PTPRT: variants seen among roughly 807,000 people sequenced by gnomAD.
The protein encoded by PTPRT is receptor-type tyrosine-protein phosphatase T.
PTPRT carries 56 observed loss-of-function variants against 176.8 expected under a neutral mutation model. The ratio of observed to expected loss-of-function variants is 0.32; its 90% CI spans 0.26 to 0.40. The LOEUF is 0.40. Among genes scored for constraint, PTPRT ranks in the 10% least tolerant of loss-of-function variants. The probability of loss-of-function intolerance (pLI) is 1.00; values close to 1 mark genes in which losing one functional copy is unlikely to be tolerated. For synonymous variants in PTPRT, 783 were observed against 739.0 expected (o/e 1.06, Z -0.96); for missense variants, 1,540 against 1,908.2 (o/e 0.81, Z 3.60).
chr20:42,356,274 C>G (rs2058356896), intron 9 of PTPRT, among the ~76,000 whole-genome samples: 1 of 152,144 alleles, frequency 6.6e-6, no homozygotes, highest in Admixed American at 6.5e-5. Flanking sequence ...GAAGGGTACA[C>G]AGCTGCACAT....
chr20:42,643,655 T>G (rs528737851), intron 7 of PTPRT, among the ~76,000 whole-genome samples: 1 of 152,118 alleles, frequency 6.6e-6, no homozygotes, highest in South Asian at 2.1e-4. Context: ...GTGCAAAAAT[T>G]TAAATACCTT....
chr20:42,933,478 C>T (rs1376819479), intron 1 of PTPRT, among the ~76,000 whole-genome samples: 3 of 152,158 alleles, frequency 2.0e-5, no homozygotes, highest in African/African-American at 4.8e-5. Context: ...TTTCCAGTCC[C>T]GAGCATGGTG....
intron 1 of PTPRT, among the ~76,000 whole-genome samples, chr20:42,891,060 A>G (rs11907352): frequency 0.059 from 9,026 of 152,240 alleles, 725 homozygotes; most frequent in African/African-American, 0.18. Context: ...CTGTGAATCC[A>G]CTAAACCTGT....
intron 7 of PTPRT, among the ~76,000 whole-genome samples, chr20:42,582,164 T>A (rs1204478579): frequency 2.0e-5 from 3 of 152,152 alleles, no homozygotes; most frequent in Non-Finnish European, 2.9e-5. Context: ...TCTGGTCTGT[T>A]CTGTGGAGAG....
At chr20:42,413,360 T>C (rs1471558604) in intron 9 of PTPRT, among the ~76,000 whole-genome samples, 1 of 152,126 alleles carries the variant, frequency 6.6e-6, no homozygotes, top group East Asian at 1.9e-4. Flanking sequence ...TTTCATTCCT[T>C]TAAGAAAAAA....
chr20:42,807,932 C>T (rs2077636252), intron 2 of PTPRT, among the ~76,000 whole-genome samples: 1 of 152,226 alleles, frequency 6.6e-6, no homozygotes, highest in Non-Finnish European at 1.5e-5. Context: ...CCAGGTCTCT[C>T]TTTAAAGAAA....
At chr20:42,481,762 A>C (rs1188436098) in intron 7 of PTPRT, among the ~76,000 whole-genome samples, 1 of 145,890 alleles carries the variant, frequency 6.9e-6, no homozygotes, top group Non-Finnish European at 1.5e-5. Context: ...AAAAGAAAAA[A>C]ACCATACACA....
Position 42,472,474 on chromosome 20 carries a change from C to T in PTPRT, c.1242G>A (p.Val414=). 1 of 1,614,250 alleles carries T rather than the reference C, an allele frequency of 6.2e-7. No homozygotes were observed. Among genetic ancestry groups the T allele is most frequent in the East Asian group, 2.2e-5 (1 of 44,880 alleles). The change falls in exon 8 of 31, where the codon GTG becomes GTA. Residue 414 remains valine, a synonymous_variant. Coordinates refer to ENST00000373187, the MANE Select transcript of PTPRT (RefSeq NM_007050.6). Reference sequence around the variant, plus strand: ...TGAGGTTGTAGCTATGGCAGCGGGTCACCGCGTAGCCGAAGGGCTCCCACT... The same window carrying T: ...TGAGGTTGTAGCTATGGCAGCGGGTTACCGCGTAGCCGAAGGGCTCCCACT... The part of the protein sequence containing the change: ...TLQWEPFGYA[V]TRCHSYNLTV...
chr20:42,792,835 A>G (rs1173963957), intron 2 of PTPRT, among the ~76,000 whole-genome samples: 1 of 152,208 alleles, frequency 6.6e-6, no homozygotes, highest in Non-Finnish European at 1.5e-5. Flanking sequence ...GGTACCAATC[A>G]AACCCTGTCT....
chr20:42,294,756 A>G (rs2057364697), intron 12 of PTPRT, among the ~76,000 whole-genome samples: 1 of 152,100 alleles, frequency 6.6e-6, no homozygotes, highest in Non-Finnish European at 1.5e-5. Flanking sequence ...TTACAGAAGC[A>G]CAAGTGAAAA....
At position 42,990,095 on chromosome 20, in the gene PTPRT, G is replaced by A. The variant is rs1301093913; in HGVS notation, c.89-104163C>T. 8.5e-5 allele frequency among the ~76,000 whole-genome samples: 13 copies of A among 152,248 alleles called. No homozygotes were observed. In the East Asian group the frequency reaches 9.6e-4, roughly 11 times the overall value. On this transcript the variant is annotated intron_variant, in intron 1 of 30. Coordinates refer to ENST00000373187, the MANE Select transcript of PTPRT (RefSeq NM_007050.6). ...ACGCACAAAACATCTATCATCTTAC[G>A]AAGCCGTCACCGTTTCAAAGAGATA...
At position 43,047,058 on chromosome 20, in the gene PTPRT, A is replaced by C. The variant is rs919605661; in HGVS notation, c.88+142588T>G. On this transcript the variant is annotated intron_variant, in intron 1 of 30. Transcript: ENST00000373187. ...TCATTCACGCCAGTTTCTTTTCAAT[A>C]CCGCCCTCCCTTCCCCTCCCTCCTC... is the stretch of plus-strand genomic sequence containing the variant. Among the ~76,000 whole-genome samples, 4 of 152,032 alleles carry C rather than the reference A, an allele frequency of 2.6e-5. 1 individual carries two copies. Among genetic ancestry groups the C allele is most frequent in the East Asian group, 1.9e-4 (1 of 5,164 alleles).
intron 6 of PTPRT, among the ~76,000 whole-genome samples, chr20:42,754,656 T>C (rs899510431): frequency 2.2e-4 from 33 of 152,360 alleles, no homozygotes; most frequent in Non-Finnish European, 4.3e-4. Flanking sequence ...GCTTCTTTTC[T>C]ATGTTAATAA....
chr20:43,150,496 G>A (rs563973007), intron 1 of PTPRT, among the ~76,000 whole-genome samples: 85 of 151,714 alleles, frequency 5.6e-4, no homozygotes, highest in African/African-American at 1.5e-3. Context: ...TCGCTCTGTC[G>A]CCCAGGCTGG....
chr20:43,010,741 A>T (rs1011579524), intron 1 of PTPRT, among the ~76,000 whole-genome samples: 5 of 152,072 alleles, frequency 3.3e-5, no homozygotes, highest in Admixed American at 2.0e-4. Context: ...AAAAAAAAAA[A>T]AGAATAAAAG....
intron 10 of PTPRT, among the ~76,000 whole-genome samples, chr20:42,351,120 T>C (rs893871868): frequency 2.0e-5 from 3 of 152,050 alleles, no homozygotes; most frequent in African/African-American, 7.2e-5. Context: ...TACCTTTTTT[T>C]TTTTTCCTTC....
intron 11 of PTPRT, among the ~76,000 whole-genome samples, chr20:42,350,423 C>CG (rs1308512652): frequency 9.9e-5 from 15 of 151,872 alleles, no homozygotes; most frequent in Admixed American, 3.9e-4. Flanking sequence ...TTTGTATAGA[C>CG]GGGGTCTCCC....
intron 15 of PTPRT, among the ~76,000 whole-genome samples, chr20:42,201,111 T>C (rs1395178932): frequency 2.6e-5 from 4 of 152,090 alleles, no homozygotes; most frequent in Non-Finnish European, 5.9e-5. Flanking sequence ...GCCCAGGAAT[T>C]GAGACCAGCT....
chr20:42,923,654 C>T (rs1979299540), intron 1 of PTPRT, among the ~76,000 whole-genome samples: 1 of 152,146 alleles, frequency 6.6e-6, no homozygotes, highest in Non-Finnish European at 1.5e-5. Flanking sequence ...GGGCAGATGA[C>T]TTAACAAGGT....
Sources: allele counts gnomAD v4.1 joint callset (sites outside exome capture counted in the v4.1 genomes callset), GRCh38; gene constraint gnomAD v4.1.1; transcripts MANE v1.5; gene names NCBI Gene and HGNC (gene_info 2026-07-23, HGNC 2026-07-21).